PAM: variants seen among roughly 807,000 people sequenced by gnomAD.
PAM encodes the protein peptidylglycine alpha-amidating monooxygenase, also known as peptidyl-glycine alpha-amidating monooxygenase.
A neutral mutation model predicts 122.1 loss-of-function variants in PAM; 72 were observed. That is an observed-to-expected ratio of 0.59 (90% confidence interval 0.49 to 0.72). The LOEUF (loss-of-function observed/expected upper bound fraction) is 0.72. Ranked by LOEUF, PAM falls within the 30% of genes least tolerant of loss-of-function variation. The pLI is 0.00. For synonymous variants in PAM, 389 were observed against 404.4 expected (o/e 0.96, Z 0.46); for missense variants, 1,106 against 1,183.7 (o/e 0.93, Z 0.96).
intron 1 of PAM, among the ~76,000 whole-genome samples, chr5:102,853,063 T>G (rs994325202): frequency 1.3e-5 from 2 of 152,228 alleles, no homozygotes; most frequent in African/African-American, 2.4e-5. Context: ...TGTACATAAT[T>G]GACCCTCACT....
At chr5:102,886,573 T>C (rs985397087) in intron 3 of PAM, among the ~76,000 whole-genome samples, 7 of 152,028 alleles carry the variant, frequency 4.6e-5, no homozygotes, top group African/African-American at 1.7e-4. Flanking sequence ...ATTCTTTCTC[T>C]GTAAACCTAC....
At chr5:102,791,186 C>T (rs926473322) in intron 1 of PAM, among the ~76,000 whole-genome samples, 1 of 152,138 alleles carries the variant, frequency 6.6e-6, no homozygotes, top group East Asian at 1.9e-4. Flanking sequence ...GATGAAAATA[C>T]TTTTAGATTA....
chr5:102,925,503 C>G (rs1040979110), intron 6 of PAM, among the ~76,000 whole-genome samples: 8 of 152,178 alleles, frequency 5.3e-5, no homozygotes, highest in African/African-American at 1.9e-4. Flanking sequence ...AGTGTACTAC[C>G]AGACTCTCAT....
chr5:102,957,504 TTTTG>T (rs774764694), intron 12 of PAM, among the ~76,000 whole-genome samples: 5 of 151,964 alleles, frequency 3.3e-5, no homozygotes, highest in South Asian at 2.1e-4. Context: ...ATGGTAAGAT[TTTTG>T]TTTGTTTGCT....
rs1181688389 is a variant in PAM, at chr5:102,866,201, T to C, written c.6T>C (p.Ala2=). ...GGGGTCGTATCGGCGTGGACATGGC[T>C]GGCCGCGTCCCTAGCCTGCTAGTTC... M[A]GRVPSLLVLL... The change falls in exon 2 of 26, where the codon GCT becomes GCC. Residue 2 remains alanine (A), a synonymous_variant. Coordinates refer to ENST00000438793, the MANE Select transcript of PAM (RefSeq NM_001177306.2). 6.2e-7 allele frequency: 1 copy of C among 1,611,806 alleles called. No homozygotes were observed. The highest frequency in any genetic ancestry group is 2.2e-5 in the East Asian group (1 of 44,856).
At chr5:102,930,903 G>A (rs1227170370) in intron 7 of PAM, among the ~76,000 whole-genome samples, 1 of 152,202 alleles carries the variant, frequency 6.6e-6, no homozygotes, top group East Asian at 1.9e-4. Context: ...AATGTCCCAC[G>A]TAGGTGATAG....
chr5:102,952,671 TA>T (rs1327252613), intron 12 of PAM, among the ~76,000 whole-genome samples: 1 of 152,214 alleles, frequency 6.6e-6, no homozygotes, highest in Non-Finnish European at 1.5e-5. Context: ...TAGCAGTTAA[TA>T]TGCTTTTTAT....
At chr5:102,809,246 A>G (rs1767127281) in intron 1 of PAM, among the ~76,000 whole-genome samples, 1 of 151,758 alleles carries the variant, frequency 6.6e-6, no homozygotes, top group Admixed American at 6.6e-5. Context: ...GGCCAGGCAC[A>G]GTGGCTCACG....
intron 4 of PAM, among the ~76,000 whole-genome samples, chr5:102,902,069 C>CTGT (rs1314657744): frequency 1.3e-5 from 2 of 151,614 alleles, no homozygotes; most frequent in African/African-American, 4.8e-5. Context: ...AGACATTTAA[C>CTGT]TGTTTAGGGA....
chr5:102,795,228 AAAAAG>A lies in PAM; in HGVS notation c.-374+39886_-374+39890del, dbSNP rs1763109372. On this transcript the variant is annotated intron_variant, in intron 1 of 25. Transcript: ENST00000438793. ...AAAAAAAAAAGAAGAGAAGAAAAAG[AAAAAG>A]AAAAGTGCTTGGAATGGGAGATGAG... 9.9e-5 allele frequency among the ~76,000 whole-genome samples: 15 copies of A among 151,600 alleles called. No homozygotes were observed. In the South Asian group the frequency reaches 3.1e-3, roughly 32 times the overall value.
At chr5:102,774,890 T>G (rs918797438) in intron 1 of PAM, among the ~76,000 whole-genome samples, 3 of 152,058 alleles carry the variant, frequency 2.0e-5, no homozygotes, top group Non-Finnish European at 4.4e-5. Flanking sequence ...TGAAGATAAA[T>G]TCAATGTCTT....
intron 10 of PAM, 81 bp downstream of exon 10, chr5:102,949,698 A>C: frequency 1.3e-6 from 1 of 798,056 alleles, no homozygotes; most frequent in Non-Finnish European, 2.2e-6. Flanking sequence ...ATTGTGTTTG[A>C]CCTTAAGTCT....
chr5:102,810,751 C>T (rs573232381), intron 1 of PAM, among the ~76,000 whole-genome samples: 16 of 152,202 alleles, frequency 1.1e-4, no homozygotes, highest in African/African-American at 3.6e-4. Flanking sequence ...TTGCTTGAAC[C>T]TGGGAGGCGG....
chr5:102,973,099 T>TA (rs1425273328), intron 14 of PAM, among the ~76,000 whole-genome samples: 2 of 152,178 alleles, frequency 1.3e-5, no homozygotes, highest in Non-Finnish European at 2.9e-5. Context: ...TAAATGTAAT[T>TA]AAAACGTAAG....
chr5:102,812,193 T>C lies in PAM; in HGVS notation c.-373-53630T>C, dbSNP rs565620894. ...GACAGTTATGCCCTATACAGTTTCC[T>C]AGGAAAGGTACAATATATACATTAA... On this transcript the variant is annotated intron_variant, in intron 1 of 25. Transcript: ENST00000438793. Among the ~76,000 whole-genome samples the C allele has an allele frequency of 1.3e-4, 20 of 152,306 alleles. No individual in the cohort carries two copies. In the South Asian group the frequency reaches 3.7e-3, roughly 28 times the overall value.
At chr5:103,019,365 C>T (rs1400432377) in intron 22 of PAM, among the ~76,000 whole-genome samples, 2 of 152,150 alleles carry the variant, frequency 1.3e-5, no homozygotes, top group Non-Finnish European at 2.9e-5. Flanking sequence ...AGTAAGACTG[C>T]CACTGAACAC....
At chr5:102,901,480 G>T (rs1189384565) in intron 4 of PAM, 67 bp downstream of exon 4, 2 of 888,542 alleles carry the variant, frequency 2.3e-6, no homozygotes, top group East Asian at 2.4e-5. Context: ...TCAGTGAAAG[G>T]TTCTCTTTGA....
chr5:102,955,010 C>T (rs558060301), intron 12 of PAM, among the ~76,000 whole-genome samples: 12 of 152,120 alleles, frequency 7.9e-5, no homozygotes, highest in Non-Finnish European at 1.3e-4. Flanking sequence ...AAAGGCACCA[C>T]GAAACTTTTT....
intron 1 of PAM, among the ~76,000 whole-genome samples, chr5:102,769,267 G>C (rs999042286): frequency 3.9e-5 from 6 of 151,978 alleles, no homozygotes; most frequent in Admixed American, 3.3e-4. Context: ...TTGTCAGATG[G>C]ATAGTGTGCA....
Sources: allele counts gnomAD v4.1 joint callset (sites outside exome capture counted in the v4.1 genomes callset), GRCh38; gene constraint gnomAD v4.1.1; transcripts MANE v1.5; gene names NCBI Gene and HGNC (gene_info 2026-07-23, HGNC 2026-07-21).